Variants in PALS2 observed in about 807,000 individuals in gnomAD.
The protein encoded by PALS2 is protein PALS2.
In PALS2, 27 loss-of-function variants were observed where a neutral mutation model predicts 61.6. The ratio of observed to expected loss-of-function variants is 0.44; its 90% CI spans 0.32 to 0.60. The LOEUF is 0.60. PALS2 is among the 20% of genes least tolerant of loss of function. The pLI is 0.05. For synonymous variants in PALS2, 236 were observed against 218.6 expected (o/e 1.08, Z -0.70); for missense variants, 554 against 639.4 (o/e 0.87, Z 1.44).
chr7:24,678,145 T>C (rs1447569896), intron 9 of PALS2, among the ~76,000 whole-genome samples: 2 of 152,182 alleles, frequency 1.3e-5, no homozygotes, highest in African/African-American at 4.8e-5. Context: ...AAAATTACTT[T>C]TCTTCTTCAA....
intron 1 of PALS2, among the ~76,000 whole-genome samples, chr7:24,607,649 G>A (rs1196038596): frequency 6.7e-6 from 1 of 149,392 alleles, no homozygotes; most frequent in Non-Finnish European, 1.5e-5. Context: ...GTATGTATAT[G>A]TATGCGTATG....
At chr7:24,655,344 G>A (rs1429892022) in intron 5 of PALS2, among the ~76,000 whole-genome samples, 2 of 152,110 alleles carry the variant, frequency 1.3e-5, no homozygotes, top group Admixed American at 6.5e-5. Flanking sequence ...TAAAGAGTAC[G>A]TATAGATGCA....
At chr7:24,635,573 G>A (rs1289735440) in intron 2 of PALS2, among the ~76,000 whole-genome samples, 2 of 152,144 alleles carry the variant, frequency 1.3e-5, no homozygotes, top group South Asian at 2.1e-4. Context: ...ATAACCTCCA[G>A]TACAAATGTT....
At chr7:24,635,426 A>T (rs1453110394) in intron 2 of PALS2, among the ~76,000 whole-genome samples, 1 of 151,996 alleles carries the variant, frequency 6.6e-6, no homozygotes, top group African/African-American at 2.4e-5. Context: ...TGCTGAACTT[A>T]TTTTTTTATT....
At chr7:24,580,839 ATAT>A (rs1236925891) in intron 1 of PALS2, among the ~76,000 whole-genome samples, 3 of 152,214 alleles carry the variant, frequency 2.0e-5, no homozygotes, top group East Asian at 3.8e-4. Context: ...ACATTTGATA[ATAT>A]TATAGATACC....
At chr7:24,656,008 C>G (rs1359638413) in intron 5 of PALS2, among the ~76,000 whole-genome samples, 1 of 151,980 alleles carries the variant, frequency 6.6e-6, no homozygotes, top group African/African-American at 2.4e-5. Flanking sequence ...CGAAGTAGAC[C>G]AAGTTCGTAC....
At chr7:24,638,027 TTG>T (rs1785325244) in intron 2 of PALS2, among the ~76,000 whole-genome samples, 1 of 152,170 alleles carries the variant, frequency 6.6e-6, no homozygotes, top group African/African-American at 2.4e-5. Flanking sequence ...TGGTTATTTT[TTG>T]TGTGTGTTTC....
At chr7:24,640,254 G>T (rs1785455158) in intron 2 of PALS2, among the ~76,000 whole-genome samples, 1 of 149,956 alleles carries the variant, frequency 6.7e-6, no homozygotes, top group African/African-American at 2.5e-5. Context: ...CTTCTTTTAA[G>T]GTCTTTCTTT....
chr7:24,668,781 G>T (rs1235890448), intron 9 of PALS2, 121 bp downstream of exon 9: 2 of 1,196,676 alleles, frequency 1.7e-6, no homozygotes, highest in South Asian at 1.4e-5. Flanking sequence ...TTATGGCAGT[G>T]AAAGTGAACA....
intron 9 of PALS2, among the ~76,000 whole-genome samples, chr7:24,674,833 T>G (rs955261956): frequency 7.4e-6 from 1 of 134,428 alleles, no homozygotes; most frequent in African/African-American, 3.7e-5. Context: ...CATCCTGTTT[T>G]CAATTTAACA....
intron 8 of PALS2, among the ~76,000 whole-genome samples, chr7:24,667,167 T>C (rs1787062728): frequency 6.6e-6 from 1 of 152,146 alleles, no homozygotes; most frequent in Non-Finnish European, 1.5e-5. Context: ...TAACAGGTAA[T>C]ATAATATTTC....
At chr7:24,656,422 CAT>C (rs1786420104) in intron 5 of PALS2, among the ~76,000 whole-genome samples, 1 of 152,158 alleles carries the variant, frequency 6.6e-6, no homozygotes, top group South Asian at 2.1e-4. Flanking sequence ...ATATAAATAA[CAT>C]AAAGTGTACA....
chr7:24,661,160 A>C (rs1786699162), intron 5 of PALS2, among the ~76,000 whole-genome samples: 1 of 152,188 alleles, frequency 6.6e-6, no homozygotes. Flanking sequence ...ATTTAATAAA[A>C]TATAATTATA....
chr7:24,631,813 T>A (rs1785008110), intron 2 of PALS2, among the ~76,000 whole-genome samples: 1 of 152,240 alleles, frequency 6.6e-6, no homozygotes, highest in African/African-American at 2.4e-5. Context: ...GCTCTGATCC[T>A]TAGCATTTTA....
intron 1 of PALS2, among the ~76,000 whole-genome samples, chr7:24,579,070 G>A (rs1782741739): frequency 6.6e-6 from 1 of 152,172 alleles, no homozygotes; most frequent in Non-Finnish European, 1.5e-5. Context: ...TTTATATAAA[G>A]TACCTACTAA....
intron 5 of PALS2, among the ~76,000 whole-genome samples, chr7:24,662,516 C>T (rs911035575): frequency 6.6e-6 from 1 of 152,072 alleles, no homozygotes; most frequent in Non-Finnish European, 1.5e-5. Flanking sequence ...TGCCTGTAAT[C>T]CCCATACCTT....
chr7:24,650,485 G>A lies in PALS2; in HGVS notation c.424G>A (p.Gly142Ser), dbSNP rs1305327000. 3 of 1,580,194 alleles carry A rather than the reference G, an allele frequency of 1.9e-6. No homozygotes were observed. The highest frequency in any genetic ancestry group is 2.3e-5 in the East Asian group (1 of 44,216). Residue 142 changes from glycine to serine, a missense_variant and splice_region_variant, in exon 5 of 12, where the codon GGT (glycine) becomes AGT (serine). By Grantham distance (56) the Gly-to-Ser change is moderately conservative (BLOSUM62 0). Coordinates refer to ENST00000222644, the MANE Select transcript of PALS2 (RefSeq NM_001303037.2). ...GAAATCTGTTTCTTATTTTTCATAG[G>A]GTGTGACATTTAGGGTTGAAAATAA... ...GIHKRAGEPLGVTFRVENNDL... is the reference protein window; with the variant it reads ...GIHKRAGEPLSVTFRVENNDL...
intron 2 of PALS2, among the ~76,000 whole-genome samples, chr7:24,634,553 A>T (rs113700893): frequency 3.3e-5 from 5 of 152,142 alleles, no homozygotes; most frequent in African/African-American, 1.2e-4. Flanking sequence ...TTTTAATTTG[A>T]TGAAGTCCAA....
At position 24,680,467 on chromosome 7, in the gene PALS2, C is replaced by T. The variant is rs745590581; in HGVS notation, c.1393C>T (p.Arg465Cys). ...FIAAPELETL[R>C]AMHKAVVDAG... ...TGCGGCTCCGGAGCTAGAGACGTTA[C>T]GTGCCATGCACAAGGCTGTGGTGGA... The change falls in exon 11 of 12, where the codon CGT becomes TGT. Residue 465 changes from arginine to cysteine, a missense_variant. Transcript: ENST00000222644. 1.1e-5 allele frequency: 17 copies of T among 1,613,944 alleles called. No individual in the cohort carries two copies. The Admixed American group carries it at 1.7e-4, about 16-fold the overall frequency.
Sources: gnomAD v4.1 joint callset for allele counts (sites outside exome capture counted in the v4.1 genomes callset) on GRCh38, gnomAD v4.1.1 for gene constraint, MANE v1.5 for transcripts, NCBI Gene and HGNC (gene_info 2026-07-23, HGNC 2026-07-21) for gene names.